TFEC: variants seen among roughly 807,000 people sequenced by gnomAD.
The protein encoded by TFEC is class E basic helix-loop-helix protein 34.
TFEC carries 31 observed loss-of-function variants against 41.6 expected under a neutral mutation model. That is an observed-to-expected ratio of 0.74 (90% CI 0.56 to 1.01). The LOEUF (loss-of-function observed/expected upper bound fraction) is 1.01. Ranked by LOEUF, TFEC falls within the 50% of genes least tolerant of loss-of-function variation. The pLI is 0.00. For synonymous variants in TFEC, 143 were observed against 140.6 expected, an observed-to-expected ratio of 1.02 and a Z score of -0.12; for missense variants, 402 against 404.1, an observed-to-expected ratio of 0.99 and a Z score of 0.04.
chr7:116,153,452 A>T (rs1456403202), intron 1 of TFEC, among the ~76,000 whole-genome samples: 6 of 151,974 alleles, frequency 3.9e-5, no homozygotes, highest in Admixed American at 2.0e-4. Flanking sequence ...ACGGGTTTTT[A>T]CCGTGTTGGT....
intron 1 of TFEC, among the ~76,000 whole-genome samples, chr7:115,995,125 C>G (rs1271494006): frequency 6.8e-6 from 1 of 146,190 alleles, no homozygotes; most frequent in Non-Finnish European, 1.5e-5. Context: ...CATGTTCTCA[C>G]TCATAAGTGG....
At chr7:116,030,486 T>A (rs923175846) in intron 1 of TFEC, 147 bp downstream of exon 1, 1 of 376,896 alleles carries the variant, frequency 2.7e-6, no homozygotes, top group Non-Finnish European at 3.7e-6. Flanking sequence ...ACTTGACTAC[T>A]CAGATATCCT....
At chr7:116,085,735 A>G (rs928637633) in intron 3 of TFEC, among the ~76,000 whole-genome samples, 1 of 151,958 alleles carries the variant, frequency 6.6e-6, no homozygotes, top group Non-Finnish European at 1.5e-5. Context: ...GGTCAGAGCA[A>G]TCAGTCAGCT....
At chr7:116,126,858 T>C (rs1280073110) in intron 1 of TFEC, among the ~76,000 whole-genome samples, 2 of 152,016 alleles carry the variant, frequency 1.3e-5, no homozygotes, top group Non-Finnish European at 2.9e-5. Context: ...GTCCCCTGGG[T>C]ACACAAAACA....
intron 1 of TFEC, among the ~76,000 whole-genome samples, chr7:116,155,411 C>T (rs1244763572): frequency 1.3e-5 from 2 of 152,190 alleles, no homozygotes; most frequent in Non-Finnish European, 2.9e-5. Flanking sequence ...CATATTTCCA[C>T]GTCGTACTTC....
intron 3 of TFEC, among the ~76,000 whole-genome samples, chr7:116,054,976 T>A (rs1276193857): frequency 6.6e-6 from 1 of 152,144 alleles, no homozygotes; most frequent in East Asian, 1.9e-4. Flanking sequence ...TATATTCACA[T>A]GAAAATATGA....
intron 1 of TFEC, among the ~76,000 whole-genome samples, chr7:116,007,161 A>G (rs1322642309): frequency 6.6e-6 from 1 of 152,100 alleles, no homozygotes; most frequent in African/African-American, 2.4e-5. Flanking sequence ...TTAGACAGGA[A>G]ATTAATGCAG....
At chr7:116,034,810 T>A (rs998850955), upstream of TFEC, among the ~76,000 whole-genome samples, 5 of 151,990 alleles carry the variant, frequency 3.3e-5, no homozygotes, top group African/African-American at 4.8e-5. Context: ...AGGAAGAACT[T>A]AAGTCATTCC....
At chr7:116,026,825 A>G (rs1795602261) in intron 1 of TFEC, among the ~76,000 whole-genome samples, 1 of 152,222 alleles carries the variant, frequency 6.6e-6, no homozygotes, top group Non-Finnish European at 1.5e-5. Context: ...TGAAAAGAGC[A>G]GATCATCCAT....
chr7:116,157,389 A>G (rs917845055), intron 1 of TFEC: 16 of 152,276 alleles, frequency 1.1e-4, no homozygotes, highest in African/African-American at 3.4e-4. Context: ...ATAAATAAGT[A>G]AGCACAAATA....
chr7:116,035,571 A>G (rs1175968732), upstream of TFEC, among the ~76,000 whole-genome samples: 1 of 152,094 alleles, frequency 6.6e-6, no homozygotes, highest in Non-Finnish European at 1.5e-5. Flanking sequence ...ATAAATGAAA[A>G]AGCATAGCCA....
chr7:116,131,327 G>A (rs947350079), intron 1 of TFEC, among the ~76,000 whole-genome samples: 1 of 152,136 alleles, frequency 6.6e-6, no homozygotes, highest in Non-Finnish European at 1.5e-5. Context: ...ACAAAGACCA[G>A]CCACTGTAGA....
rs989042894 is a variant in TFEC at position 116,012,329 on chromosome 7, C to T, written c.-73+18304G>A. Among the ~76,000 whole-genome samples the T allele has an allele frequency of 3.2e-4, 48 of 152,246 alleles. No homozygotes were observed. In the East Asian group the frequency reaches 8.7e-3, roughly 28 times the overall value. On this transcript the variant is annotated intron_variant, in intron 1 of 7. Transcript: ENST00000265440. ...ACAATTGTGTTTAGATGATGTTTTA[C>T]ACTTCACAGTTACTTTTAAGTTAAA...
chr7:115,998,275 G>C (rs1794447673), intron 1 of TFEC, among the ~76,000 whole-genome samples: 1 of 152,020 alleles, frequency 6.6e-6, no homozygotes, highest in Non-Finnish European at 1.5e-5. Context: ...TAGGTTATAA[G>C]ATGGTATTTG....
intron 1 of TFEC, among the ~76,000 whole-genome samples, chr7:116,001,644 A>T (rs1794601434): frequency 6.6e-6 from 1 of 152,196 alleles, no homozygotes; most frequent in South Asian, 2.1e-4. Context: ...AAAATGGACA[A>T]ATGGGATCAC....
chr7:116,140,350 T>C (rs1409655135), intron 1 of TFEC, among the ~76,000 whole-genome samples: 1 of 152,230 alleles, frequency 6.6e-6, no homozygotes, highest in Non-Finnish European at 1.5e-5. Flanking sequence ...ATTTAATCTA[T>C]GTGTTCTGTT....
intron 1 of TFEC, among the ~76,000 whole-genome samples, chr7:115,994,492 A>G (rs1794271840): frequency 1.3e-5 from 2 of 152,202 alleles, no homozygotes; most frequent in African/African-American, 4.8e-5. Context: ...TCTACAAAGA[A>G]CTCACACAAA....
chr7:116,154,277 T>C (rs749911184), intron 1 of TFEC, among the ~76,000 whole-genome samples: 37 of 152,216 alleles, frequency 2.4e-4, no homozygotes, highest in Non-Finnish European at 4.4e-4. Flanking sequence ...TTCCAGGCTC[T>C]GAAACTCTGT....
At chr7:116,002,448 C>T (rs542809433) in intron 1 of TFEC, among the ~76,000 whole-genome samples, 6 of 152,254 alleles carry the variant, frequency 3.9e-5, no homozygotes, top group African/African-American at 1.4e-4. Flanking sequence ...TTCACATGTT[C>T]TCATTTATTT....
Sources: allele counts gnomAD v4.1 joint callset (sites outside exome capture counted in the v4.1 genomes callset), GRCh38; gene constraint gnomAD v4.1.1; transcripts MANE v1.5; gene names NCBI Gene and HGNC (gene_info 2026-07-23, HGNC 2026-07-21).